Variants in ATRNL1 observed in about 807,000 individuals in gnomAD.
ATRNL1 encodes attractin like 1, also known as attractin-like protein 1.
Under a neutral mutation model 182.7 loss-of-function variants are expected in ATRNL1, and 95 were observed. The ratio of observed to expected loss-of-function variants is 0.52; its 90% CI spans 0.44 to 0.62. ATRNL1 has a LOEUF of 0.62. Ranked by LOEUF, ATRNL1 falls within the 20% of genes least tolerant of loss-of-function variation. The probability of loss-of-function intolerance (pLI) is 0.00; values close to 1 mark genes in which losing one functional copy is unlikely to be tolerated. For synonymous variants in ATRNL1, 576 were observed against 568.3 expected (o/e 1.01, Z -0.19); for missense variants, 1,471 against 1,679.5 (o/e 0.88, Z 2.17).
chr10:115,577,370 C>A (rs1854780126), intron 26 of ATRNL1, among the ~76,000 whole-genome samples: 1 of 151,656 alleles, frequency 6.6e-6, no homozygotes, highest in African/African-American at 2.4e-5. Context: ...CAGAACTTTC[C>A]ATTTATTTGT....
rs187627464 is a variant in ATRNL1, at chr10:115,571,155, T to G, written c.3795+21619T>G. On this transcript the variant is annotated intron_variant, in intron 26 of 28. Coordinates refer to ENST00000355044, the MANE Select transcript of ATRNL1 (RefSeq NM_207303.4). ...CTTTTCTTATACCATGGCAATTGTTTTAATAGGAGGCAGCTTCTAGTCCTT... is the reference window on the plus strand; with the variant it reads ...CTTTTCTTATACCATGGCAATTGTTGTAATAGGAGGCAGCTTCTAGTCCTT... Among the ~76,000 whole-genome samples, 657 of 152,304 alleles carry G rather than the reference T, an allele frequency of 4.3e-3. 3 individuals carry two copies. Among genetic ancestry groups the G allele is most frequent in the African/African-American group, 0.015 (626 of 41,570 alleles).
At chr10:115,864,992 A>G (rs6585370) in intron 28 of ATRNL1, among the ~76,000 whole-genome samples, 8,123 of 151,844 alleles carry the variant, frequency 0.053, 724 homozygotes, top group African/African-American at 0.19. Context: ...AAAAAAAAAA[A>G]AAAAGAAAAG....
At chr10:115,305,502 A>T (rs559158694) in intron 17 of ATRNL1, among the ~76,000 whole-genome samples, 1 of 152,176 alleles carries the variant, frequency 6.6e-6, no homozygotes, top group Non-Finnish European at 1.5e-5. Flanking sequence ...GGTTGCAGGC[A>T]TAAAATGGCC....
intron 26 of ATRNL1, among the ~76,000 whole-genome samples, chr10:115,579,601 A>G (rs908642512): frequency 6.6e-6 from 1 of 151,864 alleles, no homozygotes; most frequent in Non-Finnish European, 1.5e-5. Flanking sequence ...CTTTCAGCCA[A>G]TGTGTGTTCT....
intron 9 of ATRNL1, among the ~76,000 whole-genome samples, chr10:115,217,708 G>T (rs1849286799): frequency 6.6e-6 from 1 of 152,026 alleles, no homozygotes; most frequent in Non-Finnish European, 1.5e-5. Flanking sequence ...TGCACAAATG[G>T]CACTGGATAT....
chr10:115,865,292 G>T (rs1951414596), intron 28 of ATRNL1, among the ~76,000 whole-genome samples: 1 of 151,962 alleles, frequency 6.6e-6, no homozygotes, highest in African/African-American at 2.4e-5. Flanking sequence ...TTTCATTTGG[G>T]GAAGCTGAAT....
At chr10:115,627,535 T>C (rs1021894971) in intron 26 of ATRNL1, among the ~76,000 whole-genome samples, 2 of 152,042 alleles carry the variant, frequency 1.3e-5, no homozygotes, top group Non-Finnish European at 2.9e-5. Flanking sequence ...TGGCTAATTT[T>C]TTGTATTTTT....
chr10:115,097,618 C>T (rs1356841435), intron 1 of ATRNL1, among the ~76,000 whole-genome samples: 1 of 152,124 alleles, frequency 6.6e-6, no homozygotes, highest in African/African-American at 2.4e-5. Flanking sequence ...AACTCTTCCC[C>T]TAAGCTGTTA....
chr10:115,865,052 ACT>A (rs1460666120), intron 28 of ATRNL1, among the ~76,000 whole-genome samples: 10 of 152,216 alleles, frequency 6.6e-5, no homozygotes, highest in African/African-American at 2.4e-4. Context: ...AACCACCAAA[ACT>A]CTTCAAAAGT....
intron 26 of ATRNL1, among the ~76,000 whole-genome samples, chr10:115,678,374 C>G (rs1945936070): frequency 6.6e-6 from 1 of 152,016 alleles, no homozygotes. Flanking sequence ...AACTACGAAT[C>G]TTTTTATAAA....
chr10:115,788,912 G>A (rs1432249437), intron 27 of ATRNL1, among the ~76,000 whole-genome samples: 1 of 152,204 alleles, frequency 6.6e-6, no homozygotes, highest in African/African-American at 2.4e-5. Context: ...CCTGTCAGGA[G>A]CACTGTGATC....
chr10:115,234,508 C>T (rs188364240), intron 9 of ATRNL1, among the ~76,000 whole-genome samples: 7 of 151,660 alleles, frequency 4.6e-5, no homozygotes, highest in Non-Finnish European at 4.4e-5. Context: ...ATATTATAAT[C>T]TAACACATTT....
Position 115,618,801 on chromosome 10 carries a change from G to A in ATRNL1, c.3795+69265G>A, listed in dbSNP as rs189399937. On this transcript the variant is annotated intron_variant, in intron 26 of 28. Coordinates refer to ENST00000355044, the MANE Select transcript of ATRNL1 (RefSeq NM_207303.4). Reference sequence around the variant, plus strand: ...TGAGTTTTCTTAAGATCATTATTTTGGTTTTCATGCATTTAAAACATTTTC... The same window carrying A: ...TGAGTTTTCTTAAGATCATTATTTTAGTTTTCATGCATTTAAAACATTTTC... 3.9e-5 allele frequency among the ~76,000 whole-genome samples: 6 copies of A among 151,940 alleles called. No individual in the cohort carries two copies. In the East Asian group the frequency reaches 1.2e-3, roughly 29 times the overall value.
At chr10:115,786,896 G>T (rs1949409906) in intron 27 of ATRNL1, among the ~76,000 whole-genome samples, 1 of 152,136 alleles carries the variant, frequency 6.6e-6, no homozygotes, top group Admixed American at 6.6e-5. Context: ...AACACCTAGA[G>T]AAATCTAAAC....
chr10:115,825,144 A>T (rs1950399234), intron 27 of ATRNL1, among the ~76,000 whole-genome samples: 1 of 152,146 alleles, frequency 6.6e-6, no homozygotes. Context: ...TAACACAGGA[A>T]CTGAAACATC....
intron 25 of ATRNL1, among the ~76,000 whole-genome samples, chr10:115,527,694 T>C (rs1331149143): frequency 2.6e-5 from 4 of 152,150 alleles, no homozygotes; most frequent in Non-Finnish European, 5.9e-5. Flanking sequence ...CATTGACATA[T>C]TTACAATATT....
In ATRNL1 at chr10:115,877,871, G is replaced by A. The variant is rs535436374; in HGVS notation, c.4018+29880G>A. On this transcript the variant is annotated intron_variant, in intron 28 of 28. Coordinates refer to ENST00000355044, the MANE Select transcript of ATRNL1 (RefSeq NM_207303.4). ...TAACTAAGTCCAAGAAAATTCCTAA[G>A]CACCGTGCTAGGCACTAATGCCAAA... is the stretch of plus-strand genomic sequence containing the variant. Among the ~76,000 whole-genome samples, 6 of 152,276 alleles carry A rather than the reference G, an allele frequency of 3.9e-5. No homozygotes were observed. The East Asian group carries it at 1.2e-3, about 29-fold the overall frequency.
intron 26 of ATRNL1, among the ~76,000 whole-genome samples, chr10:115,592,242 A>T (rs1298079507): frequency 2.2e-4 from 34 of 152,132 alleles, no homozygotes; most frequent in Non-Finnish European, 2.9e-5. Flanking sequence ...GGATGATGGG[A>T]TCAGTATACC....
At chr10:115,432,707 C>T (rs1306731899) in intron 21 of ATRNL1, among the ~76,000 whole-genome samples, 2 of 151,968 alleles carry the variant, frequency 1.3e-5, no homozygotes, top group East Asian at 1.9e-4. Context: ...GGAGGGAAAA[C>T]GTTCAAACAG....
Sources: gnomAD v4.1 joint callset for allele counts (sites outside exome capture counted in the v4.1 genomes callset) on GRCh38, gnomAD v4.1.1 for gene constraint, MANE v1.5 for transcripts, NCBI Gene and HGNC (gene_info 2026-07-23, HGNC 2026-07-21) for gene names.